Variants in TBK1 observed in about 807,000 individuals in gnomAD.
TBK1 encodes the protein serine/threonine-protein kinase TBK1.
A neutral mutation model predicts 99.9 loss-of-function variants in TBK1; 37 were observed. The observed-to-expected ratio is 0.37, with a 90% confidence interval of 0.28 to 0.49. TBK1 has a LOEUF of 0.49. Among genes scored for constraint, TBK1 ranks in the 20% least tolerant of loss-of-function variants. The probability of loss-of-function intolerance (pLI) is 0.98; values close to 1 mark genes in which losing one functional copy is unlikely to be tolerated. For missense variants in TBK1, 644 were observed against 872.5 expected, an observed-to-expected ratio of 0.74 and a Z score of 3.30; for synonymous variants, 258 against 279.8, an observed-to-expected ratio of 0.92 and a Z score of 0.78.
At chr12:64,497,627 T>TC (rs780193671) in intron 18 of TBK1, 21 bp from the exon 19 acceptor site, 4 of 1,438,572 alleles carry the variant, frequency 2.8e-6, no homozygotes, top group Admixed American at 2.5e-5. Flanking sequence ...TTTTCTTTTT[T>TC]TTTTTTTTTT....
chr12:64,495,320 A>C (rs1289592574), intron 13 of TBK1, 163 bp from the exon 14 acceptor site: 4 of 828,932 alleles, frequency 4.8e-6, no homozygotes, highest in African/African-American at 1.7e-5. Flanking sequence ...GGTGGAAATC[A>C]ACCTAAGAAA....
chr12:64,484,307 A>G lies in TBK1; in HGVS notation c.997A>G (p.Thr333Ala). ...KIYIHSYNTA[T>A]IFHELVYKQT... ...TTTTGAATTTTTCTCACACAGTGCT[A>G]CTATATTTCATGAACTGGTATATAA... is the stretch of plus-strand genomic sequence containing the variant. Residue 333 changes from threonine to alanine, a missense_variant, in exon 9 of 21, where the codon ACT (threonine) becomes GCT (alanine). Thr to Ala is a moderately conservative substitution (Grantham distance 58). This residue lies in a region of TBK1 where 465 missense variants were observed against 588.0 expected (regional missense o/e 0.79). Transcript: ENST00000331710. The G allele has an allele frequency of 6.2e-7, 1 of 1,605,952 alleles. No individual in the cohort carries two copies. The highest frequency in any genetic ancestry group is 1.1e-5 in the South Asian group (1 of 90,220).
intron 20 of TBK1, among the ~76,000 whole-genome samples, chr12:64,501,099 A>G (rs1287446586): frequency 6.6e-6 from 1 of 152,134 alleles, no homozygotes; most frequent in Non-Finnish European, 1.5e-5. Flanking sequence ...CACCAGAAAG[A>G]AATTATCCAG....
At chr12:64,454,670 ATCTT>A (rs1389729470) in intron 1 of TBK1, among the ~76,000 whole-genome samples, 1 of 101,792 alleles carries the variant, frequency 9.8e-6, no homozygotes, top group Admixed American at 1.2e-4. Flanking sequence ...AGAAACTCAG[ATCTT>A]TTTTTTTTTT....
At chr12:64,500,318 C>A (rs2040976106) in intron 20 of TBK1, among the ~76,000 whole-genome samples, 1 of 152,036 alleles carries the variant, frequency 6.6e-6, no homozygotes, top group African/African-American at 2.4e-5. Flanking sequence ...TCAAAGGTAC[C>A]ACCTTTCTCC....
At chr12:64,466,106 A>T (rs554771346) in intron 4 of TBK1, among the ~76,000 whole-genome samples, 3 of 152,328 alleles carry the variant, frequency 2.0e-5, no homozygotes, top group South Asian at 2.1e-4. Flanking sequence ...AGAGAGAAAC[A>T]ATATTACTAG....
Position 64,467,000 on chromosome 12 carries a change from A to G in TBK1, c.458A>G (p.Tyr153Cys). 1 of 1,612,556 alleles carries G rather than the reference A, an allele frequency of 6.2e-7. No individual in the cohort carries two copies. Among genetic ancestry groups the G allele is most frequent in the Non-Finnish European group, 8.5e-7 (1 of 1,179,186 alleles). ...ATAGGGGAAGATGGACAGTCTGTGT[A>G]CAAACTCACAGATTTTGGTGCAGCT... ...RVIGEDGQSVYKLTDFGAARE... is the reference protein window; with the variant it reads ...RVIGEDGQSVCKLTDFGAARE... Residue 153 changes from tyrosine (Y) to cysteine (C), a missense_variant, in exon 5 of 21, where the codon TAC becomes TGC. Tyr to Cys is a radical substitution (Grantham distance 194). Around this residue, in one of 3 missense-constraint regions of TBK1, gnomAD observed 148 missense variants for 202.1 expected, o/e 0.73. Transcript: ENST00000331710.
intron 11 of TBK1, among the ~76,000 whole-genome samples, chr12:64,486,942 C>T (rs573385880): frequency 5.9e-5 from 9 of 152,190 alleles, no homozygotes; most frequent in Admixed American, 2.6e-4. Context: ...CTGTTCCAGA[C>T]ATTTCATATA....
chr12:64,482,141 A>G (rs1017342603), intron 8 of TBK1, 120 bp downstream of exon 8: 3 of 586,396 alleles, frequency 5.1e-6, no homozygotes, highest in East Asian at 6.9e-5. Flanking sequence ...TCCCACATGG[A>G]AAATTATATT....
intron 14 of TBK1, 26 bp downstream of exon 14, chr12:64,495,630 T>C (rs2040917928): frequency 6.2e-7 from 1 of 1,613,288 alleles, no homozygotes; most frequent in Non-Finnish European, 8.5e-7. Context: ...ATGCGTAGTT[T>C]CTGCTCTTAT....
At chr12:64,494,314 GAA>G (rs1208674971) in intron 13 of TBK1, among the ~76,000 whole-genome samples, 1 of 142,272 alleles carries the variant, frequency 7.0e-6, no homozygotes, top group Non-Finnish European at 1.5e-5. Flanking sequence ...AAAAAAAAAA[GAA>G]AAAAAAGAAA....
intron 3 of TBK1, among the ~76,000 whole-genome samples, chr12:64,462,588 GT>G (rs566737980): frequency 1.2e-3 from 173 of 148,910 alleles, no homozygotes; most frequent in African/African-American, 2.2e-3. Flanking sequence ...AAAAGCAACA[GT>G]TTTTTTTTTC....
intron 1 of TBK1, among the ~76,000 whole-genome samples, chr12:64,453,690 A>G (rs1051035647): frequency 1.3e-5 from 2 of 152,228 alleles, no homozygotes; most frequent in African/African-American, 4.8e-5. Context: ...GTGGAGGGAT[A>G]TTAAAATCCA....
intron 1 of TBK1, chr12:64,452,797 A>G (rs1258595290): frequency 6.6e-6 from 1 of 152,212 alleles, no homozygotes; most frequent in Non-Finnish European, 1.5e-5. Flanking sequence ...CTCCTCGTCT[A>G]CCTGGCTTAT....
At chr12:64,489,368 A>C (rs548469511) in intron 12 of TBK1, among the ~76,000 whole-genome samples, 1 of 152,218 alleles carries the variant, frequency 6.6e-6, no homozygotes. Flanking sequence ...TACTATTTGT[A>C]CTGCAGAGGA....
intron 3 of TBK1, among the ~76,000 whole-genome samples, chr12:64,461,334 T>C (rs1390471399): frequency 1.3e-5 from 2 of 152,104 alleles, no homozygotes; most frequent in African/African-American, 2.4e-5. Flanking sequence ...GAATTAAGAA[T>C]GTCATTAGGA....
intron 4 of TBK1, among the ~76,000 whole-genome samples, chr12:64,465,185 C>T (rs930435453): frequency 6.8e-5 from 9 of 133,022 alleles, no homozygotes; most frequent in African/African-American, 2.6e-4. Flanking sequence ...ATTGAGGCTG[C>T]TGTGAGCCTT....
At chr12:64,455,019 G>T (rs1212257115) in intron 1 of TBK1, among the ~76,000 whole-genome samples, 2 of 129,902 alleles carry the variant, frequency 1.5e-5, no homozygotes, top group African/African-American at 5.9e-5. Context: ...ATGGAGTCTT[G>T]CTCTGTCACC....
chr12:64,468,812 A>G (rs2040632213), intron 5 of TBK1, among the ~76,000 whole-genome samples: 1 of 152,170 alleles, frequency 6.6e-6, no homozygotes. Flanking sequence ...GAAATGATAA[A>G]AAGAAGCAAG....
Sources: gnomAD v4.1 joint callset for allele counts (sites outside exome capture counted in the v4.1 genomes callset) on GRCh38, gnomAD v4.1.1 for gene constraint, gnomAD v4.1.1 regional missense constraint, MANE v1.5 for transcripts, NCBI Gene and HGNC (gene_info 2026-07-23, HGNC 2026-07-21) for gene names.